The following FAM193B variants were observed in gnomAD, a reference collection of about 807,000 sequenced individuals.
FAM193B encodes protein FAM193B.
Under a neutral mutation model 70.7 loss-of-function variants are expected in FAM193B, and 27 were observed. The ratio of observed to expected loss-of-function variants is 0.38; its 90% confidence interval spans 0.28 to 0.53. The LOEUF (loss-of-function observed/expected upper bound fraction) is 0.53, where lower values mean the gene tolerates loss of function less well. Ranked by LOEUF, FAM193B falls within the 20% of genes least tolerant of loss-of-function variation. The probability of loss-of-function intolerance (pLI) is 0.81; values close to 1 mark genes in which losing one functional copy is unlikely to be tolerated. For missense variants in FAM193B, 1,022 were observed against 1,072.5 expected, an observed-to-expected ratio of 0.95 and a Z score of 0.66; for synonymous variants, 448 against 436.0, an observed-to-expected ratio of 1.03 and a Z score of -0.34.
In FAM193B at chr5:177,524,929, AG is replaced by A; in HGVS notation, c.1551del (p.Ser518GlnfsTer20). 3 of 1,506,534 alleles carry A rather than the reference AG, an allele frequency of 2.0e-6. No individual in the cohort carries two copies. Among genetic ancestry groups the A allele is most frequent in the South Asian group, 1.4e-5 (1 of 73,304 alleles). 93.3% of individuals were successfully genotyped at this position (1,506,534 alleles called of 1,614,324 possible). On this transcript the variant is annotated frameshift_variant, in exon 6 of 9. Coordinates refer to ENST00000514747, the MANE Select transcript of FAM193B (RefSeq NM_001190946.3). LOFTEE classifies it high-confidence loss of function. ...TGCTCTGAGGAGCCACTGAGGTTTG[AG>A]GGGGGTAGACTCTGAGGCTCAGGCT... is the stretch of plus-strand genomic sequence containing the variant. ...AAEPEPQSLPPSNLSGSSEQQ... is the reference protein window; with the variant it reads ...AAEPEPQSLPXSNLSGSSEQQ...
chr5:177,548,192 CTT>C (rs1022585606), intron 1 of FAM193B, among the ~76,000 whole-genome samples: 1 of 152,164 alleles, frequency 6.6e-6, no homozygotes, highest in Non-Finnish European at 1.5e-5. Context: ...TCCTAACACT[CTT>C]TTGTTTAAAA....
chr5:177,525,104 C>A lies in FAM193B; in HGVS notation c.1377G>T (p.Trp459Cys). The change falls in exon 6 of 9, where the codon TGG becomes TGT. Residue 459 changes from tryptophan (W) to cysteine (C), a missense_variant. Trp to Cys is a radical substitution (Grantham distance 215). Transcript: ENST00000514747. ...TGACCCGATCCAGTTCCCGGTCGGG[C>A]CACTCCAAGAGCCTCTCCCTGGCAG... The part of the protein sequence containing the change: ...PRPARERLLE[W>C]PDRELDRVNS... The A allele has an allele frequency of 6.3e-7, 1 of 1,588,884 alleles. No individual in the cohort carries two copies. The highest frequency in any genetic ancestry group is 8.6e-7 in the Non-Finnish European group (1 of 1,168,604).
chr5:177,525,099 T>C lies in FAM193B; in HGVS notation c.1382A>G (p.Asp461Gly). ...PARERLLEWP[D>G]RELDRVNSFL... Reference sequence around the variant, plus strand: ...GCTGTTGACCCGATCCAGTTCCCGGTCGGGCCACTCCAAGAGCCTCTCCCT... The same window carrying C: ...GCTGTTGACCCGATCCAGTTCCCGGCCGGGCCACTCCAAGAGCCTCTCCCT... Residue 461 changes from aspartate to glycine, a missense_variant, in exon 6 of 9, where the codon GAC (aspartate) becomes GGC (glycine). Physicochemically the swap from Asp to Gly is moderately conservative, Grantham distance 94. Coordinates refer to ENST00000514747, the MANE Select transcript of FAM193B (RefSeq NM_001190946.3). The C allele has an allele frequency of 1.3e-6, 2 of 1,590,132 alleles. No homozygotes were observed. Among genetic ancestry groups the C allele is most frequent in the African/African-American group, 1.4e-5 (1 of 73,830 alleles).
intron 5 of FAM193B, among the ~76,000 whole-genome samples, chr5:177,526,869 A>G (rs1483901812): frequency 6.6e-6 from 1 of 152,230 alleles, no homozygotes; most frequent in Non-Finnish European, 1.5e-5. Context: ...GTGAGGCAGC[A>G]GGCCAGGCCC....
chr5:177,538,012 G>A lies in FAM193B; in HGVS notation c.549C>T (p.Ser183=). ...CTCCCGAGTTCCCAGGGCAGGAAGAGGAGGACGAGGATGAGGATGATGAGG... is the reference window on the plus strand; with the variant it reads ...CTCCCGAGTTCCCAGGGCAGGAAGAAGAGGACGAGGATGAGGATGATGAGG... The part of the protein sequence containing the change: ...SSSSSSSSSS[S]SSCPGNSGDW... The change falls in exon 3 of 9, where the codon TCC becomes TCT. Residue 183 remains serine, a synonymous_variant. Coordinates refer to ENST00000514747, the MANE Select transcript of FAM193B (RefSeq NM_001190946.3). The surrounding 1 kb of genome is among the most constrained non-coding windows in gnomAD (Gnocchi z 4.1). The A allele has an allele frequency of 6.4e-7, 1 of 1,556,540 alleles. No homozygotes were observed. The highest frequency in any genetic ancestry group is 8.7e-7 in the Non-Finnish European group (1 of 1,149,610).
At chr5:177,529,435 G>C (rs1184252353) in intron 5 of FAM193B, among the ~76,000 whole-genome samples, 1 of 152,070 alleles carries the variant, frequency 6.6e-6, no homozygotes, top group Non-Finnish European at 1.5e-5. Context: ...ATAATCACTT[G>C]ATGCATCACG....
At position 177,532,020 on chromosome 5, in the gene FAM193B, T is replaced by C; in HGVS notation, c.1275+423A>G. ...AGCATGCCCTCTGATCTGAGCCTCCTTCCTGGCGCCGTCTGTGCTCACGGC... is the reference window on the plus strand; with the variant it reads ...AGCATGCCCTCTGATCTGAGCCTCCCTCCTGGCGCCGTCTGTGCTCACGGC... On this transcript the variant is annotated intron_variant, in intron 5 of 8. Coordinates refer to ENST00000514747, the MANE Select transcript of FAM193B (RefSeq NM_001190946.3). This position sits in a 1 kb window ranked among gnomAD's most constrained non-coding sequence, Gnocchi z 4.9. 1 of 1,291,728 alleles carries C rather than the reference T, an allele frequency of 7.7e-7. No individual in the cohort carries two copies. The highest frequency in any genetic ancestry group is 1.0e-6 in the Non-Finnish European group (1 of 990,490). 80.0% of individuals were successfully genotyped at this position (1,291,728 alleles called of 1,614,324 possible). A position where few individuals can be genotyped will look rare whatever the true frequency, so the allele number is the denominator to read the frequency against.
intron 1 of FAM193B, among the ~76,000 whole-genome samples, chr5:177,547,003 G>A (rs1440951435): frequency 1.3e-5 from 2 of 152,128 alleles, no homozygotes; most frequent in Non-Finnish European, 2.9e-5. Flanking sequence ...TGAATTTTGG[G>A]GACGAGACAC....
At position 177,525,051 on chromosome 5, in the gene FAM193B, T is replaced by G; in HGVS notation, c.1430A>C (p.Glu477Ala). ...VNSFLSSRLQEIKNTVKDSIR... is the reference protein window; with the variant it reads ...VNSFLSSRLQAIKNTVKDSIR... ...GGAGTCTTTGACAGTGTTTTTGATC[T>G]CCTGCAGACGGCTGCTCAGGAAGCT... Residue 477 changes from glutamate to alanine, a missense_variant, in exon 6 of 9, where the codon GAG (glutamate) becomes GCG (alanine). Physicochemically the swap from Glu to Ala is moderately radical, Grantham distance 107. Transcript: ENST00000514747. 6.3e-7 allele frequency: 1 copy of G among 1,591,234 alleles called. No individual in the cohort carries two copies. Among genetic ancestry groups the G allele is most frequent in the Non-Finnish European group, 8.5e-7 (1 of 1,169,986 alleles).
chr5:177,539,212 C>T (rs1764558679), intron 1 of FAM193B, 65 bp from the exon 2 acceptor site: 4 of 1,460,172 alleles, frequency 2.7e-6, no homozygotes, highest in Non-Finnish European at 3.6e-6. Flanking sequence ...ATAATAGTAA[C>T]AATATTAGTA....
chr5:177,539,305 C>T (rs1490399172), intron 1 of FAM193B, 158 bp from the exon 2 acceptor site: 6 of 851,142 alleles, frequency 7.0e-6, no homozygotes, highest in African/African-American at 1.7e-5. Flanking sequence ...GCTCTGCAAA[C>T]GAGGTGTTCT....
intron 1 of FAM193B, chr5:177,547,158 T>C (rs1282637837): frequency 6.6e-6 from 1 of 152,218 alleles, no homozygotes; most frequent in African/African-American, 2.4e-5. Context: ...AAATAAATTA[T>C]GTAAAGTACC....
At chr5:177,531,276 A>G in intron 5 of FAM193B, 1 of 1,301,956 alleles carries the variant, frequency 7.7e-7, no homozygotes, top group South Asian at 1.2e-5. Context: ...CTCTCCCTAC[A>G]CCCACCTTCT....
At chr5:177,548,139 C>CT in intron 1 of FAM193B, among the ~76,000 whole-genome samples, 1 of 152,148 alleles carries the variant, frequency 6.6e-6, no homozygotes, top group East Asian at 1.9e-4. Flanking sequence ...GTTACATCCT[C>CT]TTAAGTCCAC....
At chr5:177,553,261 G>A in intron 1 of FAM193B, 1 of 986,536 alleles carries the variant, frequency 1.0e-6, no homozygotes, top group African/African-American at 1.7e-5. Flanking sequence ...CCGATGCAGT[G>A]TCTGCAGAGC....
In FAM193B at chr5:177,532,766, T is replaced by C; in HGVS notation, c.1077-125A>G. The C allele has an allele frequency of 1.2e-6, 1 of 835,674 alleles. No individual in the cohort carries two copies. Among genetic ancestry groups the C allele is most frequent in the South Asian group, 2.1e-5 (1 of 48,106 alleles). 51.8% of individuals were successfully genotyped at this position (835,674 alleles called of 1,614,324 possible). On this transcript the variant is annotated intron_variant, in intron 4 of 8. Coordinates refer to ENST00000514747, the MANE Select transcript of FAM193B (RefSeq NM_001190946.3). This position sits in a 1 kb window ranked among gnomAD's most constrained non-coding sequence, Gnocchi z 4.9. ...CCCACTCCACAGAGGTCCCAGGTGG[T>C]CCAACTACATTGCACCTCTCACCTG... is the stretch of plus-strand genomic sequence containing the variant.
chr5:177,530,840 G>A (rs1763341109), intron 5 of FAM193B, among the ~76,000 whole-genome samples: 1 of 152,154 alleles, frequency 6.6e-6, no homozygotes, highest in Non-Finnish European at 1.5e-5. Flanking sequence ...CTCACAGTCA[G>A]CCTCTTGTAA....
chr5:177,531,983 CT>C, intron 5 of FAM193B: 1 of 1,289,410 alleles, frequency 7.8e-7, no homozygotes, highest in Non-Finnish European at 1.0e-6. Flanking sequence ...CTTCCTCCCC[CT>C]GGCCAGAGCC....
chr5:177,549,703 T>C (rs576524824), intron 1 of FAM193B, among the ~76,000 whole-genome samples: 2 of 152,354 alleles, frequency 1.3e-5, no homozygotes, highest in African/African-American at 4.8e-5. Context: ...CATGCGCAGC[T>C]AGCCCAGGCC....
Sources: allele counts gnomAD v4.1 joint callset (sites outside exome capture counted in the v4.1 genomes callset), GRCh38; gene constraint gnomAD v4.1.1; non-coding constraint Gnocchi (gnomAD v3.1); transcripts MANE v1.5; gene names NCBI Gene and HGNC (gene_info 2026-07-23, HGNC 2026-07-21).